The following MOXD1 variants were observed in gnomAD, a reference collection of about 807,000 sequenced individuals.
The protein encoded by MOXD1 is DBH-like monooxygenase protein 1.
Under a neutral mutation model 66.6 loss-of-function variants are expected in MOXD1, and 62 were observed. The ratio of observed to expected loss-of-function variants is 0.93; its 90% CI spans 0.76 to 1.15. The LOEUF is 1.15. MOXD1 is among the 50% of genes most tolerant of loss of function. The probability of loss-of-function intolerance (pLI) is 0.00; values close to 1 mark genes in which losing one functional copy is unlikely to be tolerated. For missense variants in MOXD1, 847 were observed against 754.6 expected (o/e 1.12, Z -1.44); for synonymous variants, 303 against 281.9 (o/e 1.07, Z -0.75).
intron 4 of MOXD1, among the ~76,000 whole-genome samples, chr6:132,338,046 T>C (rs1277511187): frequency 6.6e-6 from 1 of 152,196 alleles, no homozygotes; most frequent in African/African-American, 2.4e-5. Flanking sequence ...CTCTAGTCTA[T>C]GTACAGACTA....
chr6:132,308,090 G>GAAA (rs202147021), intron 10 of MOXD1, among the ~76,000 whole-genome samples: 19 of 136,614 alleles, frequency 1.4e-4, no homozygotes, highest in East Asian at 1.1e-3. Flanking sequence ...GTGGTTTTTT[G>GAAA]AAAAAAAAAA....
intron 1 of MOXD1, among the ~76,000 whole-genome samples, chr6:132,379,934 T>C (rs1776476619): frequency 1.3e-5 from 2 of 152,172 alleles, no homozygotes; most frequent in African/African-American, 4.8e-5. Context: ...TTATTTCTTG[T>C]AGAGATGAGT....
rs114541818 is a variant in MOXD1 at position 132,376,952 on chromosome 6, C to T, written c.265-2175G>A. On this transcript the variant is annotated intron_variant, in intron 1 of 11. Transcript: ENST00000367963. ...GACATCAAAGAACAAAGAGGCTAAGCGACTTGCCCAGGATTTACAGCTAGT... is the reference window on the plus strand; with the variant it reads ...GACATCAAAGAACAAAGAGGCTAAGTGACTTGCCCAGGATTTACAGCTAGT... 3.7e-3 allele frequency among the ~76,000 whole-genome samples: 568 copies of T among 152,306 alleles called. 2 individuals carry two copies. The highest frequency in any genetic ancestry group is 0.013 in the African/African-American group (537 of 41,566).
rs1206013300 is a variant in MOXD1 at position 132,303,867 on chromosome 6, ATATATATATATACATATAT to A, written c.1509-5931_1509-5913del. ...TATATATATATATATATATATATAT[ATATATATATATACATATAT>A]ACATAAAACCTTAGGACAATTCTCT... is the stretch of plus-strand genomic sequence containing the variant. On this transcript the variant is annotated intron_variant, in intron 10 of 11. Transcript: ENST00000367963. Among the ~76,000 whole-genome samples, 148 of 60,940 alleles carry A rather than the reference ATATATATATATACATATAT, an allele frequency of 2.4e-3. 2 individuals are homozygous for A. Among genetic ancestry groups the A allele is most frequent in the South Asian group, 0.021 (40 of 1,926 alleles). 40.0% of individuals were successfully genotyped at this position (60,940 alleles called of 152,430 possible).
chr6:132,375,076 G>A, intron 1 of MOXD1: 1 of 513,604 alleles, frequency 1.9e-6, no homozygotes, highest in Middle Eastern at 5.0e-4. Flanking sequence ...AATTAAAAGA[G>A]GGACTATAGC....
At chr6:132,310,324 T>C (rs1391322410) in intron 10 of MOXD1, among the ~76,000 whole-genome samples, 1 of 152,086 alleles carries the variant, frequency 6.6e-6, no homozygotes, top group Non-Finnish European at 1.5e-5. Context: ...AGAATGGCAA[T>C]TATTAAAAAG....
chr6:132,368,847 ACT>A (rs1474421367), intron 4 of MOXD1, among the ~76,000 whole-genome samples: 2 of 151,972 alleles, frequency 1.3e-5, no homozygotes, highest in Admixed American at 6.6e-5. Flanking sequence ...GAAACTACAA[ACT>A]CTACACATAC....
intron 1 of MOXD1, among the ~76,000 whole-genome samples, chr6:132,393,172 G>C (rs573482275): frequency 6.6e-6 from 1 of 152,196 alleles, no homozygotes; most frequent in South Asian, 2.1e-4. Flanking sequence ...GTGTGTGTCA[G>C]ACAGAGAAGG....
At chr6:132,323,383 C>T (rs1272531022) in intron 7 of MOXD1, among the ~76,000 whole-genome samples, 1 of 152,192 alleles carries the variant, frequency 6.6e-6, no homozygotes, top group Non-Finnish European at 1.5e-5. Context: ...GTCTGCCATA[C>T]TGTCCTCAAC....
chr6:132,331,459 A>G (rs948722160), intron 4 of MOXD1, among the ~76,000 whole-genome samples: 15 of 152,062 alleles, frequency 9.9e-5, no homozygotes, highest in African/African-American at 3.4e-4. Context: ...GGGGAGCTTC[A>G]AATAAACAGC....
At position 132,328,404 on chromosome 6, in the gene MOXD1, A is replaced by T; in HGVS notation, c.843+11T>A. ...TTAATTGTGTTACATCTCAGTAATCATTAGCCCCACCTCTCCACCAATAGC... is the reference window on the plus strand; with the variant it reads ...TTAATTGTGTTACATCTCAGTAATCTTTAGCCCCACCTCTCCACCAATAGC... On this transcript the variant is annotated intron_variant, in intron 5 of 11. Transcript: ENST00000367963. 6.2e-7 allele frequency: 1 copy of T among 1,613,726 alleles called. No individual in the cohort carries two copies. Among genetic ancestry groups the T allele is most frequent in the Non-Finnish European group, 8.5e-7 (1 of 1,179,762 alleles).
At chr6:132,396,685 T>C (rs905314478) in intron 1 of MOXD1, among the ~76,000 whole-genome samples, 11 of 151,240 alleles carry the variant, frequency 7.3e-5, no homozygotes, top group Non-Finnish European at 1.0e-4. Context: ...AATGAAAAAA[T>C]AGACAAGTAT....
At chr6:132,297,465 TAGGG>T in intron 11 of MOXD1, 148 bp from the exon 12 acceptor site, 1 of 822,808 alleles carries the variant, frequency 1.2e-6, no homozygotes, top group Non-Finnish European at 1.9e-6. Context: ...GTCAGAAACC[TAGGG>T]TTAAGGAGGA....
chr6:132,340,738 C>G (rs1775540541), intron 4 of MOXD1, among the ~76,000 whole-genome samples: 1 of 149,916 alleles, frequency 6.7e-6, no homozygotes, highest in South Asian at 2.1e-4. Context: ...GCTCCGCCTC[C>G]CGGGTTCACG....
In MOXD1 at chr6:132,328,552, G is replaced by C. The variant is rs1775242609; in HGVS notation, c.706C>G (p.His236Asp). The C allele has an allele frequency of 6.8e-6, 11 of 1,614,052 alleles. No homozygotes were observed. The highest frequency in any genetic ancestry group is 9.3e-6 in the Non-Finnish European group (11 of 1,179,998). Residue 236 changes from histidine (H) to aspartate (D), a missense_variant, in exon 5 of 12, where the codon CAC becomes GAC. By Grantham distance (81) the His-to-Asp change is moderately conservative (BLOSUM62 -1). Transcript: ENST00000367963. Reference sequence around the variant, plus strand: ...TTGCTGCACTGATAGAGCAGGATGTGGTGCACCAGACTCTCATGGCCTCTC... The same window carrying C: ...TTGCTGCACTGATAGAGCAGGATGTCGTGCACCAGACTCTCATGGCCTCTC... ...IQRGHESLVH[H>D]ILLYQCSNNF... is the part of the protein sequence containing the mutation.
At chr6:132,306,388 T>C (rs986464220) in intron 10 of MOXD1, among the ~76,000 whole-genome samples, 20 of 152,046 alleles carry the variant, frequency 1.3e-4, no homozygotes, top group South Asian at 2.1e-4. Flanking sequence ...CTATGACTCA[T>C]TGGAGTACCA....
In MOXD1 at chr6:132,311,508, G is replaced by C. The variant is rs9321336; in HGVS notation, c.1508+4127C>G. 2.9e-3 allele frequency among the ~76,000 whole-genome samples: 440 copies of C among 151,826 alleles called. 3 individuals carry two copies. The highest frequency in any genetic ancestry group is 0.01 in the African/African-American group (422 of 41,470). ...TCTCCATCTTTCATGACCTAAAATT[G>C]AAACATACAGTGAATCTAACAACTT... is the stretch of plus-strand genomic sequence containing the variant. On this transcript the variant is annotated intron_variant, in intron 10 of 11. Transcript: ENST00000367963.
intron 4 of MOXD1, among the ~76,000 whole-genome samples, chr6:132,334,922 G>A (rs1369074272): frequency 6.6e-6 from 1 of 152,210 alleles, no homozygotes; most frequent in African/African-American, 2.4e-5. Flanking sequence ...GCTATACAGA[G>A]TGGGATGAGA....
In MOXD1 at chr6:132,389,516, C is replaced by T. The variant is rs192207154; in HGVS notation, c.264+11647G>A. Among the ~76,000 whole-genome samples, 281 of 151,550 alleles carry T rather than the reference C, an allele frequency of 1.9e-3. 8 individuals carry two copies. The highest frequency in any genetic ancestry group is 3.2e-3 in the Non-Finnish European group (214 of 67,728). On this transcript the variant is annotated intron_variant, in intron 1 of 11. Coordinates refer to ENST00000367963, the MANE Select transcript of MOXD1 (RefSeq NM_015529.4). ...GCCCACATTGGAATCAATGGAGAAA[C>T]TTGAAAAATATATTAATGCCTGTGT... is the stretch of plus-strand genomic sequence containing the variant.
Sources: gnomAD v4.1 joint callset for allele counts (sites outside exome capture counted in the v4.1 genomes callset) on GRCh38, gnomAD v4.1.1 for gene constraint, MANE v1.5 for transcripts, NCBI Gene and HGNC (gene_info 2026-07-23, HGNC 2026-07-21) for gene names.